Variants in ADAM23 observed in about 807,000 individuals in gnomAD.
ADAM23 encodes the protein ADAM metallopeptidase domain 23, also known as disintegrin and metalloproteinase domain-containing protein 23.
ADAM23 carries 33 observed loss-of-function variants against 120.1 expected under a neutral mutation model. That is an observed-to-expected ratio of 0.27 (90% CI 0.21 to 0.37). ADAM23 has a LOEUF of 0.37. Ranked by LOEUF, ADAM23 falls within the 10% of genes least tolerant of loss-of-function variation. The pLI, the probability that ADAM23 is intolerant of heterozygous loss-of-function variation, is 1.00. For missense variants in ADAM23, 862 were observed against 1,058.2 expected (o/e 0.81, Z 2.57); for synonymous variants, 367 against 375.2 (o/e 0.98, Z 0.25).
intron 3 of ADAM23, among the ~76,000 whole-genome samples, chr2:206,481,947 T>C (rs997137204): frequency 6.6e-6 from 1 of 152,340 alleles, no homozygotes. Context: ...CAAATAGATC[T>C]AGCAGTGAGC....
At chr2:206,545,429 C>G (rs573490619) in intron 6 of ADAM23, among the ~76,000 whole-genome samples, 2 of 151,976 alleles carry the variant, frequency 1.3e-5, no homozygotes, top group African/African-American at 2.4e-5. Flanking sequence ...GAGGTTACAG[C>G]GAGCCAAGAT....
intron 18 of ADAM23, among the ~76,000 whole-genome samples, chr2:206,576,984 A>G (rs1377427722): frequency 1.3e-5 from 2 of 152,180 alleles, no homozygotes; most frequent in Non-Finnish European, 2.9e-5. Context: ...TGCCTGCCTC[A>G]AGTGAACCAT....
intron 3 of ADAM23, among the ~76,000 whole-genome samples, chr2:206,488,223 C>T (rs1485937796): frequency 6.6e-6 from 1 of 152,150 alleles, no homozygotes; most frequent in Non-Finnish European, 1.5e-5. Flanking sequence ...TTCTCGTTTG[C>T]GTAAGACACT....
intron 2 of ADAM23, among the ~76,000 whole-genome samples, chr2:206,467,024 A>G (rs1314982101): frequency 6.6e-6 from 1 of 152,178 alleles, no homozygotes; most frequent in Non-Finnish European, 1.5e-5. Context: ...CAGTGGGAAT[A>G]TTGTTAAACC....
intron 3 of ADAM23, among the ~76,000 whole-genome samples, chr2:206,491,557 T>A (rs190302559): frequency 6.6e-6 from 1 of 152,288 alleles, no homozygotes; most frequent in African/African-American, 2.4e-5. Context: ...GACTCATTTT[T>A]TCAGAGCACT....
chr2:206,481,239 A>C lies in ADAM23; in HGVS notation c.440A>C (p.His147Pro). 6.2e-7 allele frequency: 1 copy of C among 1,610,528 alleles called. No individual in the cohort carries two copies. Among genetic ancestry groups the C allele is most frequent in the Non-Finnish European group, 8.5e-7 (1 of 1,178,642 alleles). ...GTCTTTTTGAATCCATAGGCTGTCC[A>C]TCTGGCCCAGGCAAGCTTCCAGATT... ...RHQQKHNKAV[H>P]LAQASFQIEA... Residue 147 changes from histidine to proline, a missense_variant, in exon 3 of 26, where the codon CAT becomes CCT. Physicochemically the swap from His to Pro is moderately conservative, Grantham distance 77. Around this residue, in one of 4 missense-constraint regions of ADAM23, gnomAD observed 225 missense variants for 204.0 expected, o/e 1.10. Coordinates refer to ENST00000264377, the MANE Select transcript of ADAM23 (RefSeq NM_003812.4).
At chr2:206,595,945 A>G in intron 23 of ADAM23, 106 bp from the exon 24 acceptor site, 1 of 834,356 alleles carries the variant, frequency 1.2e-6, no homozygotes, top group Non-Finnish European at 1.9e-6. Context: ...AGAAATTCCA[A>G]ATAGCTTTTA....
intron 3 of ADAM23, among the ~76,000 whole-genome samples, chr2:206,519,193 A>G (rs1219626838): frequency 6.6e-6 from 1 of 152,158 alleles, no homozygotes; most frequent in Admixed American, 6.6e-5. Context: ...CAGCACAGTG[A>G]AAAAGGGCCG....
At chr2:206,491,865 T>C (rs1156256630) in intron 3 of ADAM23, among the ~76,000 whole-genome samples, 5 of 152,240 alleles carry the variant, frequency 3.3e-5, no homozygotes, top group Non-Finnish European at 7.3e-5. Context: ...GCAACCATTA[T>C]TTTTCTTAAA....
chr2:206,594,199 T>G (rs970805822), intron 22 of ADAM23, among the ~76,000 whole-genome samples: 4 of 152,062 alleles, frequency 2.6e-5, no homozygotes, highest in African/African-American at 9.7e-5. Context: ...GACACAATTC[T>G]TAGAATATTA....
At chr2:206,567,024 A>G (rs1158116122) in intron 14 of ADAM23, among the ~76,000 whole-genome samples, 199 bp from the exon 15 acceptor site, 1 of 152,192 alleles carries the variant, frequency 6.6e-6, no homozygotes, top group Non-Finnish European at 1.5e-5. Context: ...CAAATCTTTG[A>G]TTTTCTTTGA....
chr2:206,550,889 C>T (rs1697511233), intron 9 of ADAM23, among the ~76,000 whole-genome samples: 2 of 152,188 alleles, frequency 1.3e-5, no homozygotes. Flanking sequence ...GCGTGAGCCA[C>T]CGCGCCCGGC....
intron 24 of ADAM23, among the ~76,000 whole-genome samples, chr2:206,600,783 C>T (rs895223285): frequency 6.6e-6 from 1 of 152,036 alleles, no homozygotes; most frequent in South Asian, 2.1e-4. Flanking sequence ...AGATTATTCA[C>T]GCCAACTTCT....
At chr2:206,570,926 C>G in intron 16 of ADAM23, 115 bp downstream of exon 16, 2 of 854,160 alleles carry the variant, frequency 2.3e-6, no homozygotes, top group Non-Finnish European at 3.8e-6. Flanking sequence ...TCTTTCTCAT[C>G]TCTCTGATTA....
intron 3 of ADAM23, among the ~76,000 whole-genome samples, chr2:206,499,023 T>G (rs1319668857): frequency 6.6e-6 from 1 of 151,922 alleles, no homozygotes; most frequent in Non-Finnish European, 1.5e-5. Flanking sequence ...TGTGGAGAAA[T>G]AGGAACACTT....
intron 3 of ADAM23, among the ~76,000 whole-genome samples, chr2:206,491,774 A>T (rs1326221094): frequency 1.3e-5 from 2 of 152,218 alleles, no homozygotes; most frequent in Admixed American, 1.3e-4. Flanking sequence ...CTCTAGAGAT[A>T]TAAATGTTTC....
chr2:206,592,666 C>G lies in ADAM23; in HGVS notation c.2008C>G (p.Arg670Gly). 6.2e-7 allele frequency: 1 copy of G among 1,613,978 alleles called. No individual in the cohort carries two copies. Reference protein sequence around the residue: ...LLCTNLTRAPRIGQLQGEIIP... With the variant: ...LLCTNLTRAPGIGQLQGEIIP... ...CTGTACCAATCTTACTCGAGCTCCA[C>G]GTATTGGTCAACTTCAGGGTGAGAT... Residue 670 changes from arginine (R) to glycine (G), a missense_variant, in exon 22 of 26, where the codon CGT becomes GGT. Arg to Gly is a moderately radical substitution (Grantham distance 125). Coordinates refer to ENST00000264377, the MANE Select transcript of ADAM23 (RefSeq NM_003812.4).
At chr2:206,545,429 C>T (rs573490619) in intron 6 of ADAM23, among the ~76,000 whole-genome samples, 1 of 151,976 alleles carries the variant, frequency 6.6e-6, no homozygotes, top group Non-Finnish European at 1.5e-5. Context: ...GAGGTTACAG[C>T]GAGCCAAGAT....
chr2:206,560,266 G>A (rs77093244), intron 11 of ADAM23, 148 bp downstream of exon 11: 1 of 813,410 alleles, frequency 1.2e-6, no homozygotes, highest in Non-Finnish European at 1.9e-6. Context: ...GAAGCATGGA[G>A]TTAGGATATC....
Sources: allele counts gnomAD v4.1 joint callset (sites outside exome capture counted in the v4.1 genomes callset), GRCh38; gene constraint gnomAD v4.1.1; regional missense constraint gnomAD v4.1.1; transcripts MANE v1.5; gene names NCBI Gene and HGNC (gene_info 2026-07-23, HGNC 2026-07-21).